Variants in PXDNL observed in about 807,000 individuals in gnomAD.
PXDNL encodes probable oxidoreductase PXDNL.
In PXDNL, 145 loss-of-function variants were observed where a neutral mutation model predicts 150.8. The observed-to-expected ratio is 0.96, with a 90% CI of 0.84 to 1.10. The LOEUF is 1.10. PXDNL is among the 50% of genes least tolerant of loss of function. The pLI is 0.00. For missense variants in PXDNL, 2,087 were observed against 1,873.9 expected (o/e 1.11, Z -2.10); for synonymous variants, 757 against 725.7 (o/e 1.04, Z -0.69).
intron 2 of PXDNL, among the ~76,000 whole-genome samples, chr8:51,638,242 A>G (rs1350028492): frequency 2.0e-5 from 3 of 152,230 alleles, no homozygotes; most frequent in Non-Finnish European, 4.4e-5. Context: ...GCCACTGCAA[A>G]AACATGCCAA....
Position 51,592,821 on chromosome 8 carries a change from A to C in PXDNL, c.237-123T>G. The C allele has an allele frequency of 3.5e-6, 2 of 575,788 alleles. 1 individual carries two copies. The highest frequency in any genetic ancestry group is 6.8e-5 in the East Asian group (2 of 29,620). 35.7% of individuals were successfully genotyped at this position (575,788 alleles called of 1,614,324 possible). ...AAATATTTACTGACATGGTTCACTAAATTTGGAAATTTATACTTTAATTCC... is the reference window on the plus strand; with the variant it reads ...AAATATTTACTGACATGGTTCACTACATTTGGAAATTTATACTTTAATTCC... On this transcript the variant is annotated intron_variant, in intron 2 of 22. Transcript: ENST00000356297.
intron 2 of PXDNL, among the ~76,000 whole-genome samples, chr8:51,653,974 C>T (rs2130800809): frequency 6.6e-6 from 1 of 152,252 alleles, no homozygotes; most frequent in African/African-American, 2.4e-5. Context: ...ATAGCACTTA[C>T]TATACATAGG....
chr8:51,772,237 T>TACACACACAC (rs139112734), intron 1 of PXDNL, among the ~76,000 whole-genome samples: 1 of 130,342 alleles, frequency 7.7e-6, no homozygotes, highest in South Asian at 2.5e-4. Context: ...TCTCTCTATA[T>TACACACACAC]ACACACACAC....
chr8:51,630,987 T>C (rs1281525602), intron 2 of PXDNL, among the ~76,000 whole-genome samples: 1 of 152,176 alleles, frequency 6.6e-6, no homozygotes, highest in Non-Finnish European at 1.5e-5. Flanking sequence ...ATACTTATGT[T>C]CATCACAGCA....
rs576046636 is a variant in PXDNL at position 51,753,327 on chromosome 8, G to C, written c.164+55854C>G. ...TACTGTCACATGATTTCCCAGGTAG[G>C]AGATGAATGACGAATACCAGGCAGA... On this transcript the variant is annotated intron_variant, in intron 1 of 22. Transcript: ENST00000356297. Among the ~76,000 whole-genome samples, 11 of 152,248 alleles carry C rather than the reference G, an allele frequency of 7.2e-5. 1 individual carries two copies. The South Asian group carries it at 2.3e-3, about 32-fold the overall frequency.
At chr8:51,514,312 A>G (rs967033645) in intron 4 of PXDNL, among the ~76,000 whole-genome samples, 25 of 152,214 alleles carry the variant, frequency 1.6e-4, no homozygotes, top group African/African-American at 6.0e-4. Context: ...AAAAGACTAT[A>G]TTGTTTCAGT....
intron 1 of PXDNL, among the ~76,000 whole-genome samples, chr8:51,676,285 T>C (rs1445600476): frequency 6.6e-6 from 1 of 150,550 alleles, no homozygotes; most frequent in African/African-American, 2.4e-5. Flanking sequence ...TGTATTCACT[T>C]TTTTTTTTTG....
At chr8:51,792,353 A>C (rs1276777445) in intron 1 of PXDNL, among the ~76,000 whole-genome samples, 2 of 152,182 alleles carry the variant, frequency 1.3e-5, no homozygotes, top group Admixed American at 6.5e-5. Context: ...ACCCCCAGCC[A>C]AGAGATGTGA....
At chr8:51,366,216 C>G (rs1806914819) in intron 19 of PXDNL, among the ~76,000 whole-genome samples, 1 of 152,212 alleles carries the variant, frequency 6.6e-6, no homozygotes, top group African/African-American at 2.4e-5. Context: ...GTGAACCTGA[C>G]TTGAAGTGCA....
At chr8:51,645,375 C>T (rs1242909743) in intron 2 of PXDNL, among the ~76,000 whole-genome samples, 1 of 152,152 alleles carries the variant, frequency 6.6e-6, no homozygotes, top group Admixed American at 6.5e-5. Flanking sequence ...GCATCCTGCG[C>T]CCTGATTAAT....
chr8:51,640,660 C>T (rs961447261), intron 2 of PXDNL, among the ~76,000 whole-genome samples: 1 of 152,092 alleles, frequency 6.6e-6, no homozygotes, highest in Non-Finnish European at 1.5e-5. Context: ...ACGTGAATGA[C>T]CTCTTCAAGG....
chr8:51,692,267 C>T (rs889954152), intron 1 of PXDNL, among the ~76,000 whole-genome samples: 1 of 152,098 alleles, frequency 6.6e-6, no homozygotes, highest in Non-Finnish European at 1.5e-5. Flanking sequence ...CATTGGTTCT[C>T]AAAAATCTCT....
intron 5 of PXDNL, among the ~76,000 whole-genome samples, chr8:51,498,484 G>A (rs1174727778): frequency 6.6e-6 from 1 of 152,046 alleles, no homozygotes; most frequent in Non-Finnish European, 1.5e-5. Context: ...TAGAAAAACT[G>A]AAGTAGCAGA....
rs760836874 is a variant in PXDNL, at chr8:51,409,461, C to G, written c.2163G>C (p.Arg721=). 6.2e-7 allele frequency: 1 copy of G among 1,612,704 alleles called. No homozygotes were observed. The highest frequency in any genetic ancestry group is 8.5e-7 in the Non-Finnish European group (1 of 1,179,746). ...GGGCGCGGTACTTCGCATGGAAACA[C>G]CGGTTGGAGCAGTTTGGCAGAGGCC... ...ARRPLPNCSN[R]CFHAKYRAHD... Residue 721 remains arginine (R), a synonymous_variant, in exon 17 of 23, where the codon CGG becomes CGC. Transcript: ENST00000356297.
At chr8:51,682,388 T>C (rs1349781382) in intron 1 of PXDNL, among the ~76,000 whole-genome samples, 1 of 152,164 alleles carries the variant, frequency 6.6e-6, no homozygotes, top group Non-Finnish European at 1.5e-5. Flanking sequence ...CAGCATGTCT[T>C]TTGCCTCATC....
chr8:51,490,942 G>A (rs1221982831), intron 5 of PXDNL, among the ~76,000 whole-genome samples: 1 of 152,120 alleles, frequency 6.6e-6, no homozygotes, highest in Non-Finnish European at 1.5e-5. Context: ...GCTTGTGAGG[G>A]TGTTGCCAAA....
intron 2 of PXDNL, among the ~76,000 whole-genome samples, chr8:51,623,152 C>G (rs902605186): frequency 6.6e-6 from 1 of 152,142 alleles, no homozygotes; most frequent in Non-Finnish European, 1.5e-5. Context: ...TTTCATTGTC[C>G]TCTCTCTGGC....
intron 17 of PXDNL, among the ~76,000 whole-genome samples, chr8:51,392,445 GGTCCTTCAC>G (rs1807941307): frequency 6.6e-6 from 1 of 152,050 alleles, no homozygotes. Flanking sequence ...TCCTTGAAGA[GGTCCTTCAC>G]GTCCCTTGTA....
At chr8:51,669,881 A>G (rs1815464868) in intron 1 of PXDNL, among the ~76,000 whole-genome samples, 1 of 152,228 alleles carries the variant, frequency 6.6e-6, no homozygotes, top group Admixed American at 6.5e-5. Context: ...AATATACTCC[A>G]TCTTTTCATA....
Sources: allele counts gnomAD v4.1 joint callset (sites outside exome capture counted in the v4.1 genomes callset), GRCh38; gene constraint gnomAD v4.1.1; transcripts MANE v1.5; gene names NCBI Gene and HGNC (gene_info 2026-07-23, HGNC 2026-07-21).